Variants in NUP155 observed in about 807,000 individuals in gnomAD.
The protein encoded by NUP155 is nucleoporin 155.
NUP155 carries 71 observed loss-of-function variants against 180.4 expected under a neutral mutation model. The observed-to-expected ratio is 0.39, with a 90% CI of 0.33 to 0.48. The LOEUF is 0.48. NUP155 is among the 20% of genes least tolerant of loss of function. The pLI, the probability that NUP155 is intolerant of heterozygous loss-of-function variation, is 0.91. For synonymous variants in NUP155, 582 were observed against 559.5 expected, an observed-to-expected ratio of 1.04 and a Z score of -0.57; for missense variants, 1,553 against 1,648.9, an observed-to-expected ratio of 0.94 and a Z score of 1.01.
At chr5:37,292,536 G>A (rs540292441) in intron 34 of NUP155, among the ~76,000 whole-genome samples, 2 of 152,150 alleles carry the variant, frequency 1.3e-5, no homozygotes, top group Non-Finnish European at 2.9e-5. Flanking sequence ...ACAATGAGAA[G>A]AAAGCAGTAA....
rs76475954 is a variant in NUP155 at position 37,338,860 on chromosome 5, C to T, written c.1247-942G>A. ...TTTTTCACATTTTAGCATTTCTGAA[C>T]TTAGGGCATATCTTGCAGTCAATGG... On this transcript the variant is annotated intron_variant, in intron 11 of 34. Coordinates refer to ENST00000231498, the MANE Select transcript of NUP155 (RefSeq NM_153485.3). 1.5e-3 allele frequency among the ~76,000 whole-genome samples: 229 copies of T among 151,788 alleles called. 1 individual carries two copies. The highest frequency in any genetic ancestry group is 5.4e-3 in the African/African-American group (222 of 41,382).
At chr5:37,370,547 A>AGCG in intron 1 of NUP155, 4 of 853,046 alleles carry the variant, frequency 4.7e-6, no homozygotes, top group Non-Finnish European at 6.8e-6. Context: ...AGCACTTGAG[A>AGCG]GCGGCGAGAA....
At chr5:37,327,304 TAAGA>T (rs1018114375) in intron 18 of NUP155, 1 of 343,648 alleles carries the variant, frequency 2.9e-6, no homozygotes, top group Non-Finnish European at 5.6e-6. Context: ...TATTAGTAAT[TAAGA>T]AAGTCAAAAG....
At chr5:37,297,037 G>A (rs891415838) in intron 32 of NUP155, among the ~76,000 whole-genome samples, 1 of 152,078 alleles carries the variant, frequency 6.6e-6, no homozygotes, top group Non-Finnish European at 1.5e-5. Context: ...AAATTAGCTA[G>A]GTGTGGCTAA....
Position 37,325,977 on chromosome 5 carries a change from A to G in NUP155, c.2025-10T>C, listed in dbSNP as rs775975344. On this transcript the variant is annotated splice_polypyrimidine_tract_variant and intron_variant, in intron 18 of 34. Transcript: ENST00000231498. Reference sequence around the variant, plus strand: ...TGCATCCCAAATGTTTCTGGAAAAAAAAAAGTTTTAATGATTGTGCTGTAA... The same window carrying G: ...TGCATCCCAAATGTTTCTGGAAAAAGAAAAGTTTTAATGATTGTGCTGTAA... 40 of 1,594,998 alleles carry G rather than the reference A, an allele frequency of 2.5e-5. No individual in the cohort carries two copies. Among genetic ancestry groups the G allele is most frequent in the Non-Finnish European group, 3.1e-5 (36 of 1,165,614 alleles).
At chr5:37,356,690 A>G (rs1359410566) in intron 4 of NUP155, among the ~76,000 whole-genome samples, 2 of 152,076 alleles carry the variant, frequency 1.3e-5, no homozygotes, top group Non-Finnish European at 2.9e-5. Context: ...ATTTAAATCA[A>G]TCAATTCTCC....
At chr5:37,329,439 A>G (rs113923674) in intron 15 of NUP155, among the ~76,000 whole-genome samples, 161 bp from the exon 16 acceptor site, 105 of 152,352 alleles carry the variant, frequency 6.9e-4, no homozygotes, top group African/African-American at 2.5e-3. Flanking sequence ...AAGACTTATA[A>G]TAAATATTTA....
chr5:37,307,788 G>A (rs1350597555), intron 24 of NUP155, among the ~76,000 whole-genome samples: 2 of 151,748 alleles, frequency 1.3e-5, no homozygotes, highest in African/African-American at 4.8e-5. Flanking sequence ...TGGGCCTGGT[G>A]GCATGCGCCT....
intron 31 of NUP155, among the ~76,000 whole-genome samples, chr5:37,299,242 GA>G (rs1344776369): frequency 6.6e-6 from 1 of 152,112 alleles, no homozygotes; most frequent in Non-Finnish European, 1.5e-5. Context: ...CCTTTTCACT[GA>G]GTATTCTCCC....
At chr5:37,319,381 T>C (rs1744099760) in intron 20 of NUP155, among the ~76,000 whole-genome samples, 1 of 152,202 alleles carries the variant, frequency 6.6e-6, no homozygotes, top group Admixed American at 6.5e-5. Context: ...AAAATTTCCA[T>C]AGTCAATGAA....
chr5:37,295,703 C>T (rs1178415914), intron 32 of NUP155, among the ~76,000 whole-genome samples: 2 of 151,224 alleles, frequency 1.3e-5, no homozygotes, highest in East Asian at 2.0e-4. Flanking sequence ...CCTGTCGCCC[C>T]GTCCGGGATG....
intron 22 of NUP155, among the ~76,000 whole-genome samples, chr5:37,313,473 ATGTGTG>A (rs34904169): frequency 1.3e-3 from 185 of 143,430 alleles, no homozygotes; most frequent in African/African-American, 3.6e-3. Flanking sequence ...AGTGGTGTAT[ATGTGTG>A]TGTGTGTGTG....
At chr5:37,343,602 G>A (rs1041535281) in intron 9 of NUP155, among the ~76,000 whole-genome samples, 1 of 152,026 alleles carries the variant, frequency 6.6e-6, no homozygotes, top group Non-Finnish European at 1.5e-5. Context: ...AATTAAAAAA[G>A]GAGAAAGGCC....
Position 37,309,153 on chromosome 5 carries a change from T to A in NUP155, c.2743A>T (p.Asn915Tyr). Reference sequence around the variant, plus strand: ...CCTTGTCTATACTGAGCACAAACATTGGAAAGGTCCACTTGATTGCTAATT... The same window carrying A: ...CCTTGTCTATACTGAGCACAAACATAGGAAAGGTCCACTTGATTGCTAATT... The part of the protein sequence containing the change: ...QKISNQVDLS[N>Y]VCAQYRQVRF... Residue 915 changes from asparagine to tyrosine, a missense_variant, in exon 24 of 35, where the codon AAT becomes TAT. Coordinates refer to ENST00000231498, the MANE Select transcript of NUP155 (RefSeq NM_153485.3). 6 of 1,613,648 alleles carry A rather than the reference T, an allele frequency of 3.7e-6. No homozygotes were observed. The highest frequency in any genetic ancestry group is 5.1e-6 in the Non-Finnish European group (6 of 1,179,826).
At chr5:37,345,491 T>C (rs1367673843) in intron 9 of NUP155, among the ~76,000 whole-genome samples, 5 of 130,314 alleles carry the variant, frequency 3.8e-5, no homozygotes, top group African/African-American at 1.5e-4. Flanking sequence ...AGCCTGGGTA[T>C]CAGAGTGTGA....
chr5:37,353,504 C>A (rs888376855), intron 4 of NUP155, among the ~76,000 whole-genome samples: 1 of 152,046 alleles, frequency 6.6e-6, no homozygotes, highest in African/African-American at 2.4e-5. Flanking sequence ...ATTGCTTGAA[C>A]CCGGGAGGCA....
At chr5:37,301,807 G>T (rs184979485) in intron 29 of NUP155, among the ~76,000 whole-genome samples, 1 of 152,274 alleles carries the variant, frequency 6.6e-6, no homozygotes, top group Non-Finnish European at 1.5e-5. Flanking sequence ...AGACTATACA[G>T]CTCAGCCTCC....
chr5:37,305,051 C>A lies in NUP155; in HGVS notation c.3057+6G>T, dbSNP rs1429520702. The A allele has an allele frequency of 6.2e-7, 1 of 1,612,882 alleles. No individual in the cohort carries two copies. Among genetic ancestry groups the A allele is most frequent in the Non-Finnish European group, 8.5e-7 (1 of 1,179,886 alleles). On this transcript the variant is annotated splice_donor_region_variant and intron_variant, in intron 26 of 34. Coordinates refer to ENST00000231498, the MANE Select transcript of NUP155 (RefSeq NM_153485.3). Reference sequence around the variant, plus strand: ...TCTCAGAATGAAAATATACTATGTCCCTTACATGATGTCCTGCTTCTTCAT... The same window carrying A: ...TCTCAGAATGAAAATATACTATGTCACTTACATGATGTCCTGCTTCTTCAT...
At position 37,358,082 on chromosome 5, in the gene NUP155, T is replaced by G. The variant is rs767742780; in HGVS notation, c.462A>C (p.Ala154=). 4.4e-6 allele frequency: 7 copies of G among 1,605,584 alleles called. 1 individual carries two copies. The highest frequency in any genetic ancestry group is 6.0e-6 in the Non-Finnish European group (7 of 1,172,328). Residue 154 remains alanine, a splice_region_variant and synonymous_variant, in exon 4 of 35, where the codon GCA becomes GCC. Transcript: ENST00000231498. ...CTTCCTTATAGTTTTATTTCTTACC[T>G]GCTTTTGGCTTCACAAGCCCCACAG... ...ILAVGLVKPK[A]GIFQPHVRHL... is the part of the protein sequence containing the mutation.
Sources: allele counts gnomAD v4.1 joint callset (sites outside exome capture counted in the v4.1 genomes callset), GRCh38; gene constraint gnomAD v4.1.1; transcripts MANE v1.5; gene names NCBI Gene and HGNC (gene_info 2026-07-23, HGNC 2026-07-21).